EGFLAM: variants seen among roughly 807,000 people sequenced by gnomAD.
EGFLAM encodes pikachurin.
In EGFLAM, 79 loss-of-function variants were observed where a neutral mutation model predicts 113.1. The observed-to-expected ratio is 0.70, with a 90% CI of 0.58 to 0.84. EGFLAM has a LOEUF of 0.84. EGFLAM is among the 40% of genes least tolerant of loss of function. The probability of loss-of-function intolerance (pLI) is 0.00; values close to 1 mark genes in which losing one functional copy is unlikely to be tolerated. For synonymous variants in EGFLAM, 504 were observed against 487.6 expected (o/e 1.03, Z -0.44); for missense variants, 1,265 against 1,291.6 (o/e 0.98, Z 0.32).
intron 5 of EGFLAM, among the ~76,000 whole-genome samples, chr5:38,365,640 T>G (rs1302782186): frequency 6.6e-6 from 1 of 152,168 alleles, no homozygotes; most frequent in African/African-American, 2.4e-5. Context: ...AGCATTTTGT[T>G]TTTTAAAAGG....
intron 3 of EGFLAM, chr5:38,345,657 A>C (rs959964): frequency 0.71 from 107,435 of 152,068 alleles, 38,067 homozygotes; most frequent in African/African-American, 0.75. Flanking sequence ...AGCAATTCCC[A>C]CGACTCTGTT....
intron 1 of EGFLAM, among the ~76,000 whole-genome samples, chr5:38,329,551 C>T (rs558952276): frequency 1.3e-5 from 2 of 152,198 alleles, no homozygotes; most frequent in Admixed American, 6.5e-5. Context: ...CTCTGTGTTG[C>T]CCAAGCTAGA....
chr5:38,462,674 G>C (rs1743327179), intron 20 of EGFLAM: 1 of 461,842 alleles, frequency 2.2e-6, no homozygotes, highest in African/African-American at 2.0e-5. Context: ...CTTCGCCGTG[G>C]AGTGCTGGCA....
chr5:38,455,314 T>C (rs573879586), intron 19 of EGFLAM, among the ~76,000 whole-genome samples: 1 of 152,320 alleles, frequency 6.6e-6, no homozygotes, highest in Non-Finnish European at 1.5e-5. Flanking sequence ...GCTGAGTGGC[T>C]CAGAATAACC....
rs138320690 is a variant in EGFLAM, at chr5:38,441,632, G to A, written c.2464+3177G>A. 4.3e-5 allele frequency among the ~76,000 whole-genome samples: 6 copies of A among 140,082 alleles called. No individual in the cohort carries two copies. The East Asian group carries it at 6.1e-4, about 14-fold the overall frequency. The allele number at this position is 140,082 out of a possible 152,430, so 91.9% of individuals were successfully genotyped here. The stretch of plus-strand genomic sequence containing the variant: ...CACACACACACACACACGCATTCAC[G>A]TACACGAAATGGGAGGAGGCTTCTA... On this transcript the variant is annotated intron_variant, in intron 17 of 21. Transcript: ENST00000322350.
At chr5:38,324,198 C>T (rs191458137) in intron 1 of EGFLAM, among the ~76,000 whole-genome samples, 37 of 152,254 alleles carry the variant, frequency 2.4e-4, no homozygotes, top group Admixed American at 2.1e-3. Flanking sequence ...TTGATCTGCT[C>T]ATTGCAGTTG....
intron 6 of EGFLAM, among the ~76,000 whole-genome samples, chr5:38,405,419 TTAA>T (rs1741252981): frequency 6.6e-6 from 1 of 151,860 alleles, no homozygotes; most frequent in African/African-American, 2.4e-5. Context: ...GTCTTTTATA[TTAA>T]TGTCATCAAA....
chr5:38,296,235 C>G (rs1048631505), intron 1 of EGFLAM, among the ~76,000 whole-genome samples: 1 of 152,154 alleles, frequency 6.6e-6, no homozygotes, highest in Non-Finnish European at 1.5e-5. Context: ...AGAAAGTCTT[C>G]TGACTTTTAT....
At chr5:38,259,448 G>A (rs949057035) in intron 1 of EGFLAM, among the ~76,000 whole-genome samples, 4 of 152,202 alleles carry the variant, frequency 2.6e-5, no homozygotes, top group Non-Finnish European at 5.9e-5. Flanking sequence ...ACAAAGAAAT[G>A]TACGTTGTAA....
chr5:38,312,954 G>T (rs930264171), intron 1 of EGFLAM, among the ~76,000 whole-genome samples: 2 of 152,004 alleles, frequency 1.3e-5, no homozygotes, highest in Non-Finnish European at 2.9e-5. Flanking sequence ...TGGGCGTGGT[G>T]GTGTGCACCT....
chr5:38,371,354 C>T (rs1431056526), intron 6 of EGFLAM, among the ~76,000 whole-genome samples: 1 of 152,124 alleles, frequency 6.6e-6, no homozygotes, highest in Non-Finnish European at 1.5e-5. Flanking sequence ...TGGTAACTGG[C>T]TTAACCAGCC....
chr5:38,367,267 C>CTTT (rs746689355), intron 5 of EGFLAM, among the ~76,000 whole-genome samples: 1 of 138,010 alleles, frequency 7.2e-6, no homozygotes, highest in Non-Finnish European at 1.6e-5. Flanking sequence ...CCACCCCAGA[C>CTTT]TTTTTTTTTT....
At chr5:38,422,622 G>A (rs1204586216) in intron 12 of EGFLAM, among the ~76,000 whole-genome samples, 1 of 152,108 alleles carries the variant, frequency 6.6e-6, no homozygotes, top group Non-Finnish European at 1.5e-5. Flanking sequence ...TAATATATGT[G>A]CTCCTTTATA....
chr5:38,403,810 C>T (rs769488550), intron 6 of EGFLAM: 75 of 1,612,864 alleles, frequency 4.7e-5, no homozygotes, highest in Non-Finnish European at 6.2e-5. Context: ...GAGGAAGGAG[C>T]TGTCCTCAAG....
At chr5:38,330,045 A>T (rs1739000726) in intron 1 of EGFLAM, among the ~76,000 whole-genome samples, 1 of 152,210 alleles carries the variant, frequency 6.6e-6, no homozygotes, top group South Asian at 2.1e-4. Context: ...GGGATAGCAC[A>T]TTACAATTCA....
At chr5:38,355,711 G>A (rs1163338618) in intron 5 of EGFLAM, among the ~76,000 whole-genome samples, 12 of 152,138 alleles carry the variant, frequency 7.9e-5, no homozygotes, top group East Asian at 1.9e-4. Flanking sequence ...ATTAAAATGC[G>A]TTTTAACATT....
At chr5:38,349,156 A>G (rs1739551193) in intron 3 of EGFLAM, among the ~76,000 whole-genome samples, 1 of 152,226 alleles carries the variant, frequency 6.6e-6, no homozygotes, top group Non-Finnish European at 1.5e-5. Flanking sequence ...TTGTGAAGAA[A>G]GTATAAGACA....
At chr5:38,319,095 T>G (rs1407197517) in intron 1 of EGFLAM, among the ~76,000 whole-genome samples, 1 of 152,150 alleles carries the variant, frequency 6.6e-6, no homozygotes. Flanking sequence ...TTTCCCCAGT[T>G]GTTCCTCCAC....
chr5:38,273,552 T>C lies in EGFLAM; in HGVS notation c.97+14701T>C, dbSNP rs557436983. 1.9e-4 allele frequency among the ~76,000 whole-genome samples: 29 copies of C among 152,362 alleles called. No homozygotes were observed. The South Asian group carries it at 4.3e-3, about 23-fold the overall frequency. ...AGCAGCCTTAGCAGCCGTGAGATTC[T>C]AGCCCGTGCTGTGACAGCTTTAGCA... is the stretch of plus-strand genomic sequence containing the variant. On this transcript the variant is annotated intron_variant, in intron 1 of 21. Transcript: ENST00000322350.
Sources: gnomAD v4.1 joint callset for allele counts (sites outside exome capture counted in the v4.1 genomes callset) on GRCh38, gnomAD v4.1.1 for gene constraint, MANE v1.5 for transcripts, NCBI Gene and HGNC (gene_info 2026-07-23, HGNC 2026-07-21) for gene names.